The following TRAK1 variants were observed in gnomAD, a reference collection of about 807,000 sequenced individuals.
TRAK1 encodes the protein trafficking kinesin-binding protein 1.
A neutral mutation model predicts 92.1 loss-of-function variants in TRAK1; 33 were observed. The observed-to-expected ratio is 0.36, with a 90% confidence interval of 0.27 to 0.48. TRAK1 has a LOEUF of 0.48. Among genes scored for constraint, TRAK1 ranks in the 20% least tolerant of loss-of-function variants. TRAK1 has a pLI of 0.99. For missense variants in TRAK1, 1,123 were observed against 1,257.9 expected, an observed-to-expected ratio of 0.89 and a Z score of 1.62; for synonymous variants, 521 against 517.3, an observed-to-expected ratio of 1.01 and a Z score of -0.10.
In TRAK1 at chr3:42,121,259, C is replaced by CTT. The variant is rs397959962; in HGVS notation, c.92-4144_92-4143dup. On this transcript the variant is annotated intron_variant, in intron 1 of 15. Coordinates refer to ENST00000327628, the MANE Select transcript of TRAK1 (RefSeq NM_001042646.3). ...ATGGTGAAAGCATTCCTGGGGAATT[C>CTT]TTTTTTTTTTTTTTTTTTGAGACGG... Among the ~76,000 whole-genome samples, 574 of 131,776 alleles carry CTT rather than the reference C, an allele frequency of 4.4e-3. 3 individuals carry two copies. The highest frequency in any genetic ancestry group is 0.011 in the African/African-American group (397 of 35,640). The allele number at this position is 131,776 out of a possible 152,430, so 86.5% of individuals were successfully genotyped here. A position where few individuals can be genotyped will look rare whatever the true frequency, so the allele number is the denominator to read the frequency against.
At chr3:42,069,811 G>A (rs1195882414) in intron 1 of TRAK1, among the ~76,000 whole-genome samples, 1 of 151,798 alleles carries the variant, frequency 6.6e-6, no homozygotes, top group African/African-American at 2.4e-5. Flanking sequence ...TTACATCTTT[G>A]TATGCAGTTA....
At chr3:42,163,544 G>C (rs948419808) in intron 2 of TRAK1, among the ~76,000 whole-genome samples, 7 of 151,792 alleles carry the variant, frequency 4.6e-5, no homozygotes, top group Admixed American at 4.6e-4. Context: ...CTCCAGCCTG[G>C]GCGGCAGAGC....
At chr3:42,080,487 A>AG (rs1485424994) in intron 1 of TRAK1, among the ~76,000 whole-genome samples, 1 of 152,152 alleles carries the variant, frequency 6.6e-6, no homozygotes, top group African/African-American at 2.4e-5. Context: ...AACTAAACAG[A>AG]GGCGCTTTCA....
intron 15 of TRAK1, chr3:42,222,005 A>AT (rs1237671461): frequency 5.3e-5 from 7 of 131,860 alleles, no homozygotes; most frequent in African/African-American, 1.6e-4. Context: ...TGCAATTATA[A>AT]AAAAAAAAAA....
rs774475039 is a variant in TRAK1, at chr3:42,202,863, C to A, written c.1744+111C>A. 1 of 1,498,060 alleles carries A rather than the reference C, an allele frequency of 6.7e-7. No homozygotes were observed. The highest frequency in any genetic ancestry group is 8.9e-7 in the Non-Finnish European group (1 of 1,121,484). 92.8% of individuals were successfully genotyped at this position (1,498,060 alleles called of 1,614,324 possible). A position where few individuals can be genotyped will look rare whatever the true frequency, so the allele number is the denominator to read the frequency against. ...CTGTCACGCCTACTCCTTTTTCTTCCGCGACAGCCACCCGCGCTGCTGGTT... is the reference window on the plus strand; with the variant it reads ...CTGTCACGCCTACTCCTTTTTCTTCAGCGACAGCCACCCGCGCTGCTGGTT... On this transcript the variant is annotated intron_variant, in intron 13 of 15. Transcript: ENST00000327628. The surrounding 1 kb of genome is among the most constrained non-coding windows in gnomAD (Gnocchi z 6.1).
At chr3:42,048,510 T>C (rs1209067193) in intron 1 of TRAK1, among the ~76,000 whole-genome samples, 1 of 152,194 alleles carries the variant, frequency 6.6e-6, no homozygotes, top group African/African-American at 2.4e-5. Flanking sequence ...TGTTTCTAAC[T>C]TGTAACTTTT....
chr3:42,206,436 C>A (rs1577012073), intron 13 of TRAK1, among the ~76,000 whole-genome samples: 1 of 152,326 alleles, frequency 6.6e-6, no homozygotes, highest in East Asian at 1.9e-4. Flanking sequence ...TAAGGCCTGT[C>A]ACTGCTGAGA....
At chr3:42,094,542 A>AT (rs1295376507) in intron 1 of TRAK1, among the ~76,000 whole-genome samples, 17 of 150,638 alleles carry the variant, frequency 1.1e-4, no homozygotes, top group East Asian at 7.8e-4. Flanking sequence ...GTGCCTGGCT[A>AT]TTTTTTTTTG....
chr3:42,186,159 T>G (rs1248107092), intron 4 of TRAK1, among the ~76,000 whole-genome samples: 1 of 151,764 alleles, frequency 6.6e-6, no homozygotes, highest in Non-Finnish European at 1.5e-5. Flanking sequence ...ATTTTTGTGT[T>G]TTTTATAGAG....
chr3:42,065,252 CAAATA>C (rs1418366499), intron 1 of TRAK1, among the ~76,000 whole-genome samples: 2 of 152,166 alleles, frequency 1.3e-5, no homozygotes, highest in Admixed American at 1.3e-4. Context: ...ACTCCCATCT[CAAATA>C]AATAAATAAA....
At chr3:42,149,557 G>C in intron 2 of TRAK1, 1 of 1,536,132 alleles carries the variant, frequency 6.5e-7, no homozygotes, top group Non-Finnish European at 8.7e-7. Flanking sequence ...TATCGAAGCG[G>C]ATTATTATGA....
intron 14 of TRAK1, among the ~76,000 whole-genome samples, chr3:42,213,805 A>G (rs959162027): frequency 2.0e-5 from 3 of 152,188 alleles, no homozygotes; most frequent in Non-Finnish European, 4.4e-5. Context: ...CCCATTGTCT[A>G]CACTGAGAGA....
At chr3:42,162,907 T>C (rs997998914) in intron 2 of TRAK1, among the ~76,000 whole-genome samples, 2 of 152,184 alleles carry the variant, frequency 1.3e-5, no homozygotes, top group South Asian at 2.1e-4. Flanking sequence ...TAGATACATG[T>C]ATTAAACTTT....
At chr3:42,104,973 CAG>C (rs1430024085) in intron 1 of TRAK1, among the ~76,000 whole-genome samples, 1 of 131,566 alleles carries the variant, frequency 7.6e-6, no homozygotes, top group Non-Finnish European at 1.6e-5. Flanking sequence ...TTTTTTGAGA[CAG>C]AGTTTCGCTT....
At chr3:42,036,516 C>G (rs1051394673) in intron 1 of TRAK1, among the ~76,000 whole-genome samples, 1 of 151,936 alleles carries the variant, frequency 6.6e-6, no homozygotes, top group African/African-American at 2.4e-5. Context: ...AGCAGGCTTT[C>G]TCTGCAGCCT....
At chr3:42,134,938 A>C (rs917010708) in intron 2 of TRAK1, among the ~76,000 whole-genome samples, 1 of 151,486 alleles carries the variant, frequency 6.6e-6, no homozygotes. Flanking sequence ...CAGTGGCATT[A>C]ATTATAGCTT....
upstream of TRAK1, among the ~76,000 whole-genome samples, chr3:42,084,277 C>T (rs893236722): frequency 1.3e-5 from 2 of 152,090 alleles, no homozygotes; most frequent in Non-Finnish European, 2.9e-5. Flanking sequence ...CTAATCTTTT[C>T]ATCACTTAAT....
chr3:42,197,508 A>G (rs897977117), intron 10 of TRAK1, among the ~76,000 whole-genome samples: 6 of 152,182 alleles, frequency 3.9e-5, no homozygotes, highest in African/African-American at 9.7e-5. Context: ...TGGAACCCAC[A>G]GATACGGAGG....
chr3:42,047,670 A>C (rs1702808844), intron 1 of TRAK1, among the ~76,000 whole-genome samples: 1 of 152,206 alleles, frequency 6.6e-6, no homozygotes, highest in African/African-American at 2.4e-5. Context: ...GTTAACTTTA[A>C]TGTAAAATAA....
Sources: allele counts gnomAD v4.1 joint callset (sites outside exome capture counted in the v4.1 genomes callset), GRCh38; gene constraint gnomAD v4.1.1; non-coding constraint Gnocchi (gnomAD v3.1); transcripts MANE v1.5; gene names NCBI Gene and HGNC (gene_info 2026-07-23, HGNC 2026-07-21).